The following COL11A1 variants were observed in gnomAD, a reference collection of about 807,000 sequenced individuals.
COL11A1 encodes the protein collagen type XI alpha 1 chain, also known as collagen alpha-1(XI) chain.
Under a neutral mutation model 265.2 loss-of-function variants are expected in COL11A1, and 74 were observed. The ratio of observed to expected loss-of-function variants is 0.28; its 90% CI spans 0.23 to 0.34. The LOEUF is 0.34. Among genes scored for constraint, COL11A1 ranks in the 10% least tolerant of loss-of-function variants. The pLI is 1.00. For missense variants in COL11A1, 2,165 were observed against 2,263.6 expected, an observed-to-expected ratio of 0.96 and a Z score of 0.88; for synonymous variants, 816 against 727.6, an observed-to-expected ratio of 1.12 and a Z score of -1.96.
chr1:103,103,333 T>A (rs902674807), intron 1 of COL11A1, among the ~76,000 whole-genome samples: 1 of 151,974 alleles, frequency 6.6e-6, no homozygotes, highest in Non-Finnish European at 1.5e-5. Flanking sequence ...AATAAATATA[T>A]AATTTTCTAA....
chr1:102,934,921 G>T, intron 45 of COL11A1, 139 bp downstream of exon 45: 2 of 790,826 alleles, frequency 2.5e-6, no homozygotes, highest in Middle Eastern at 2.4e-4. Context: ...AGCTATATTT[G>T]ATAATTTAAA....
intron 1 of COL11A1, among the ~76,000 whole-genome samples, chr1:103,096,212 C>T (rs145767829): frequency 6.6e-6 from 1 of 151,794 alleles, no homozygotes; most frequent in African/African-American, 2.4e-5. Flanking sequence ...TAGGCTCACT[C>T]GAGTGGAATC....
intron 7 of COL11A1, among the ~76,000 whole-genome samples, chr1:103,024,784 T>C (rs1033847694): frequency 2.0e-5 from 3 of 152,174 alleles, no homozygotes; most frequent in African/African-American, 4.8e-5. Context: ...AGAGACATTT[T>C]ACATAAATTT....
intron 63 of COL11A1, among the ~76,000 whole-genome samples, chr1:102,885,655 A>G (rs1051712614): frequency 6.6e-6 from 1 of 152,148 alleles, no homozygotes; most frequent in Non-Finnish European, 1.5e-5. Context: ...AAAATCATCT[A>G]AGATTTTACC....
chr1:103,047,563 A>G (rs940623721), intron 4 of COL11A1, among the ~76,000 whole-genome samples: 1 of 152,100 alleles, frequency 6.6e-6, no homozygotes, highest in African/African-American at 2.4e-5. Context: ...GGACAATTTG[A>G]CTTCCTCTTT....
At chr1:103,079,294 C>G (rs910447702) in intron 2 of COL11A1, among the ~76,000 whole-genome samples, 7 of 152,040 alleles carry the variant, frequency 4.6e-5, no homozygotes. Flanking sequence ...AATTTACAAA[C>G]GTATTCTTTC....
chr1:102,924,022 C>A (rs928704209), intron 46 of COL11A1, among the ~76,000 whole-genome samples: 3 of 146,952 alleles, frequency 2.0e-5, no homozygotes, highest in African/African-American at 2.5e-5. Flanking sequence ...TCCTGGCTAA[C>A]ACCGGTGAAA....
intron 4 of COL11A1, among the ~76,000 whole-genome samples, chr1:103,037,820 G>A (rs1668494510): frequency 6.6e-6 from 1 of 151,928 alleles, no homozygotes; most frequent in Non-Finnish European, 1.5e-5. Context: ...TGTAAGATCT[G>A]GAAAATAACA....
intron 41 of COL11A1, among the ~76,000 whole-genome samples, chr1:102,960,953 A>G (rs1043201664): frequency 5.3e-5 from 8 of 152,212 alleles, no homozygotes; most frequent in Admixed American, 5.2e-4. Context: ...AGATGTTATT[A>G]GTCAAAGAGA....
At chr1:102,951,897 C>A (rs1057363161) in intron 41 of COL11A1, among the ~76,000 whole-genome samples, 1 of 151,938 alleles carries the variant, frequency 6.6e-6, no homozygotes, top group African/African-American at 2.4e-5. Flanking sequence ...TAAATATTAC[C>A]TTAACTGGAT....
chr1:102,881,645 T>A, intron 65 of COL11A1, 52 bp downstream of exon 65: 1 of 1,354,120 alleles, frequency 7.4e-7, no homozygotes, highest in Non-Finnish European at 1.1e-6. Flanking sequence ...ATAATCAGAA[T>A]GTCACTTCTT....
chr1:102,957,326 C>G (rs2101533257), intron 41 of COL11A1, among the ~76,000 whole-genome samples: 1 of 152,106 alleles, frequency 6.6e-6, no homozygotes, highest in Admixed American at 6.5e-5. Flanking sequence ...AGTGCATAAG[C>G]TACATAATTG....
At chr1:103,023,263 T>A (rs1052340066) in intron 7 of COL11A1, among the ~76,000 whole-genome samples, 1 of 152,194 alleles carries the variant, frequency 6.6e-6, no homozygotes, top group Non-Finnish European at 1.5e-5. Context: ...TATTTGCTTG[T>A]TCCATTGGAA....
intron 63 of COL11A1, among the ~76,000 whole-genome samples, chr1:102,886,069 G>A (rs1650933889): frequency 6.6e-6 from 1 of 152,098 alleles, no homozygotes; most frequent in Admixed American, 6.6e-5. Context: ...ACAGAGTAAA[G>A]GGGAGACAAA....
At chr1:103,053,932 G>A (rs184850997) in intron 4 of COL11A1, among the ~76,000 whole-genome samples, 36 of 152,222 alleles carry the variant, frequency 2.4e-4, no homozygotes, top group Admixed American at 2.4e-3. Context: ...TGCATATATT[G>A]TTCTATATTA....
At chr1:102,986,542 T>A (rs1206205887) in intron 30 of COL11A1, among the ~76,000 whole-genome samples, 1 of 152,018 alleles carries the variant, frequency 6.6e-6, no homozygotes, top group African/African-American at 2.4e-5. Context: ...TGCATTAAAG[T>A]ATAGTAAAAA....
intron 24 of COL11A1, chr1:103,001,398 C>A (rs1196557156): frequency 2.5e-6 from 1 of 400,088 alleles, no homozygotes; most frequent in East Asian, 3.6e-5. Flanking sequence ...CAAAATATTA[C>A]TCAAGGAATC....
chr1:103,003,350 AG>A (rs1271212275), intron 20 of COL11A1, 82 bp from the exon 21 acceptor site: 3 of 1,371,154 alleles, frequency 2.2e-6, no homozygotes, highest in East Asian at 2.4e-5. Context: ...AGAAATCCTA[AG>A]GTTATTTTTA....
chr1:102,881,646 G>A (rs777563134), intron 65 of COL11A1, 51 bp downstream of exon 65: 3 of 1,364,220 alleles, frequency 2.2e-6, no homozygotes, highest in Non-Finnish European at 3.1e-6. Context: ...TAATCAGAAT[G>A]TCACTTCTTG....
Sources: gnomAD v4.1 joint callset for allele counts (sites outside exome capture counted in the v4.1 genomes callset) on GRCh38, gnomAD v4.1.1 for gene constraint, MANE v1.5 for transcripts, NCBI Gene and HGNC (gene_info 2026-07-23, HGNC 2026-07-21) for gene names.